Variants in NOA1 observed in about 807,000 individuals in gnomAD.
NOA1 encodes nitric oxide-associated protein 1.
In NOA1, 35 loss-of-function variants were observed where a neutral mutation model predicts 58.4. The observed-to-expected ratio is 0.60, with a 90% CI of 0.46 to 0.79. The LOEUF is 0.79. Among genes scored for constraint, NOA1 ranks in the 30% least tolerant of loss-of-function variants. The pLI is 0.00. For synonymous variants in NOA1, 397 were observed against 373.4 expected (o/e 1.06, Z -0.73); for missense variants, 895 against 894.6 (o/e 1.00, Z -0.01).
chr4:56,970,990 C>T (rs1252132943), intron 3 of NOA1, among the ~76,000 whole-genome samples: 9 of 152,108 alleles, frequency 5.9e-5, no homozygotes, highest in Non-Finnish European at 1.3e-4. Flanking sequence ...ACTGAAGTAA[C>T]TGCTATGCCT....
At position 56,977,155 on chromosome 4, in the gene NOA1, C is replaced by T. The variant is rs1301520967; in HGVS notation, c.431G>A (p.Cys144Tyr). 1 of 1,555,702 alleles carries T rather than the reference C, an allele frequency of 6.4e-7. No individual in the cohort carries two copies. The highest frequency in any genetic ancestry group is 1.9e-5 in the Admixed American group (1 of 52,354). Residue 144 changes from cysteine (C) to tyrosine (Y), a missense_variant, in exon 1 of 7, where the codon TGT (cysteine) becomes TAT (tyrosine). Cys to Tyr is a radical substitution (Grantham distance 194). Around this residue, in one of 3 missense-constraint regions of NOA1, gnomAD observed 680 missense variants for 656.5 expected, o/e 1.04. Coordinates refer to ENST00000264230, the MANE Select transcript of NOA1 (RefSeq NM_032313.4). ...GTCCTGGCAGTGCAGCTCTGCCCCA[C>T]AGCCCGAGCAGTTCACGCCGCTGGG... is the stretch of plus-strand genomic sequence containing the variant. ...LPPSGVNCSG[C>Y]GAELHCQDAG...
chr4:56,973,731 G>T, intron 2 of NOA1, 127 bp downstream of exon 2: 2 of 902,932 alleles, frequency 2.2e-6, no homozygotes, highest in Non-Finnish European at 3.5e-6. Flanking sequence ...GGGCCTCTTT[G>T]TTGCAGAATA....
chr4:56,974,350 G>A (rs1721860033), intron 1 of NOA1, among the ~76,000 whole-genome samples: 1 of 152,144 alleles, frequency 6.6e-6, no homozygotes. Flanking sequence ...AGTCAGTTTT[G>A]TCAACTTAAA....
At chr4:56,965,067 T>C (rs529450052) in intron 5 of NOA1, among the ~76,000 whole-genome samples, 18 of 152,114 alleles carry the variant, frequency 1.2e-4, no homozygotes, top group African/African-American at 4.3e-4. Flanking sequence ...TGGCACGATA[T>C]CAGCTCACTG....
At chr4:56,976,004 G>A (rs1181863202) in intron 1 of NOA1, among the ~76,000 whole-genome samples, 1 of 152,042 alleles carries the variant, frequency 6.6e-6, no homozygotes, top group African/African-American at 2.4e-5. Flanking sequence ...CCGAGATCAC[G>A]CCACTGCACT....
Position 56,974,031 on chromosome 4 carries a change from C to T in NOA1, c.1145-9G>A. On this transcript the variant is annotated splice_polypyrimidine_tract_variant and intron_variant, in intron 1 of 6. Coordinates refer to ENST00000264230, the MANE Select transcript of NOA1 (RefSeq NM_032313.4). Reference sequence around the variant, plus strand: ...AAGGTTTAATGTAGTACCTGAAATACACAGAATAAATACATCTTTACAAAA... The same window carrying T: ...AAGGTTTAATGTAGTACCTGAAATATACAGAATAAATACATCTTTACAAAA... 6.2e-7 allele frequency: 1 copy of T among 1,601,188 alleles called. No homozygotes were observed. Among genetic ancestry groups the T allele is most frequent in the Non-Finnish European group, 8.6e-7 (1 of 1,168,848 alleles).
rs563196636 is a variant in NOA1, at chr4:56,975,638, G to A, written c.1144+804C>T. ...CACACCTGTAATCCCAGCACTTTGGGATGCTGAGGCGGGCGGATCACGAGG... is the reference window on the plus strand; with the variant it reads ...CACACCTGTAATCCCAGCACTTTGGAATGCTGAGGCGGGCGGATCACGAGG... On this transcript the variant is annotated intron_variant, in intron 1 of 6. Coordinates refer to ENST00000264230, the MANE Select transcript of NOA1 (RefSeq NM_032313.4). Among the ~76,000 whole-genome samples, 3 of 152,252 alleles carry A rather than the reference G, an allele frequency of 2.0e-5. No homozygotes were observed. The East Asian group carries it at 5.8e-4, about 30-fold the overall frequency.
intron 5 of NOA1, among the ~76,000 whole-genome samples, chr4:56,966,021 T>TC (rs1448727832): frequency 4.4e-5 from 6 of 136,402 alleles, no homozygotes; most frequent in African/African-American, 1.1e-4. Context: ...AAATTTTCTT[T>TC]TTTTTTTTTT....
At chr4:56,969,453 T>C (rs982854668) in intron 3 of NOA1, among the ~76,000 whole-genome samples, 1 of 152,030 alleles carries the variant, frequency 6.6e-6, no homozygotes, top group Admixed American at 6.6e-5. Context: ...GCACCTGTAA[T>C]CCCAGCTACT....
chr4:56,969,074 C>T (rs539732678), intron 3 of NOA1, among the ~76,000 whole-genome samples: 17 of 152,198 alleles, frequency 1.1e-4, no homozygotes, highest in African/African-American at 3.9e-4. Flanking sequence ...TTATAAATCC[C>T]CTATGCTTAT....
rs773373827 is a variant in NOA1 at position 56,973,248 on chromosome 4, A to T, written c.1415T>A (p.Met472Lys). The T allele has an allele frequency of 1.9e-6, 3 of 1,614,000 alleles. No homozygotes were observed. Among genetic ancestry groups the T allele is most frequent in the African/African-American group, 1.3e-5 (1 of 74,928 alleles). ...TTGTTTGGTGGATTTGTGTGTACCC[A>T]TAACAGGGTCATTTTCCATGTCAAA... is the stretch of plus-strand genomic sequence containing the variant. ...LAFDMENDPV[M>K]GTHKSTKQVE... The change falls in exon 3 of 7, where the codon ATG becomes AAG. Residue 472 changes from methionine (M) to lysine (K), a missense_variant. By Grantham distance (95) the Met-to-Lys change is moderately conservative (BLOSUM62 -1). Transcript: ENST00000264230.
At position 56,963,502 on chromosome 4, in the gene NOA1, G is replaced by C. The variant is rs750105041; in HGVS notation, c.2045C>G (p.Pro682Arg). ...CCTCACGTTGTACATAAGGGAAGGAGGCTTCTTGGTTTTATAGGCCACACT... is the reference window on the plus strand; with the variant it reads ...CCTCACGTTGTACATAAGGGAAGGACGCTTCTTGGTTTTATAGGCCACACT... ...KKSVAYKTKK[P>R]PSLMYNVRKK... is the part of the protein sequence containing the mutation. The change falls in exon 7 of 7, where the codon CCT becomes CGT. Residue 682 changes from proline to arginine, a missense_variant. By Grantham distance (103) the Pro-to-Arg change is moderately radical. This residue lies in a region of NOA1 where 212 missense variants were observed against 221.3 expected (regional missense o/e 0.96). Coordinates refer to ENST00000264230, the MANE Select transcript of NOA1 (RefSeq NM_032313.4). 8 of 1,614,080 alleles carry C rather than the reference G, an allele frequency of 5.0e-6. No homozygotes were observed. The highest frequency in any genetic ancestry group is 1.6e-4 in the Middle Eastern group (1 of 6,062).
In NOA1 at chr4:56,977,279, G is replaced by GCTC. The variant is rs760168084; in HGVS notation, c.304_306dup (p.Glu102dup). ...TCCTCCCGCCGCTGCTGCCTCTGTC[G>GCTC]CTCCTCCTCCTCCTGCTGTTGCTGG... On this transcript the variant is annotated inframe_insertion, in exon 1 of 7. Transcript: ENST00000264230. 20 of 1,613,258 alleles carry GCTC rather than the reference G, an allele frequency of 1.2e-5. No individual in the cohort carries two copies. The highest frequency in any genetic ancestry group is 3.4e-6 in the Non-Finnish European group (4 of 1,179,768).
At chr4:56,973,067 C>G in intron 3 of NOA1, 81 bp downstream of exon 3, 1 of 1,214,536 alleles carries the variant, frequency 8.2e-7, no homozygotes, top group Non-Finnish European at 1.2e-6. Context: ...GATAAATTGG[C>G]TGTATCTGGG....
intron 5 of NOA1, among the ~76,000 whole-genome samples, chr4:56,966,018 C>CTTTTTTTTTT (rs57382498): frequency 1.1e-5 from 1 of 88,562 alleles, no homozygotes; most frequent in African/African-American, 4.6e-5. Flanking sequence ...AGCAAATTTT[C>CTTTTTTTTTT]TTTTTTTTTT....
chr4:56,974,291 A>G lies in NOA1; in HGVS notation c.1145-269T>C, dbSNP rs141806999. 3.9e-3 allele frequency among the ~76,000 whole-genome samples: 589 copies of G among 152,300 alleles called. 5 individuals are homozygous for G. The highest frequency in any genetic ancestry group is 0.014 in the African/African-American group (575 of 41,554). ...GTAAAATTCAAAGTGCAAGACAGAG[A>G]AGAGCAGCTTACTAAATGAAACTTT... On this transcript the variant is annotated intron_variant, in intron 1 of 6. Coordinates refer to ENST00000264230, the MANE Select transcript of NOA1 (RefSeq NM_032313.4).
chr4:56,964,484 G>C lies in NOA1; in HGVS notation c.1807C>G (p.Leu603Val), dbSNP rs1375130000. The change falls in exon 6 of 7, where the codon CTT becomes GTT. Residue 603 changes from leucine (L) to valine (V), a missense_variant. This residue lies in a region of NOA1 where 212 missense variants were observed against 221.3 expected (regional missense o/e 0.96). Transcript: ENST00000264230. ...GKERMAGFPPLVAEDIMLKEG... is the reference protein window; with the variant it reads ...GKERMAGFPPVVAEDIMLKEG... ...TTTAACATAATGTCTTCAGCAACAA[G>C]AGGAGGAAATCCTGCCATTCGTTCT... The C allele has an allele frequency of 1.2e-6, 2 of 1,613,992 alleles. No homozygotes were observed. The highest frequency in any genetic ancestry group is 1.7e-6 in the Non-Finnish European group (2 of 1,179,996).
At chr4:56,968,945 T>A (rs1721765128) in intron 3 of NOA1, among the ~76,000 whole-genome samples, 1 of 152,214 alleles carries the variant, frequency 6.6e-6, no homozygotes, top group Non-Finnish European at 1.5e-5. Context: ...ATGCATGCAT[T>A]AAATGCAAAA....
Position 56,977,093 on chromosome 4 carries a change from G to A in NOA1, c.493C>T (p.Leu165Phe), listed in dbSNP as rs761648467. Reference protein sequence around the residue: ...VPGYLPREKFLRTAEADGGLA... With the variant: ...VPGYLPREKFFRTAEADGGLA... The stretch of plus-strand genomic sequence containing the variant: ...CCGCCGTCTGCCTCCGCCGTGCGGA[G>A]GAACTTCTCTCGGGGCAGGTAGCCG... The change falls in exon 1 of 7, where the codon CTC (leucine) becomes TTC (phenylalanine). Residue 165 changes from leucine (L) to phenylalanine (F), a missense_variant. Coordinates refer to ENST00000264230, the MANE Select transcript of NOA1 (RefSeq NM_032313.4). 1.5e-5 allele frequency: 24 copies of A among 1,568,950 alleles called. No homozygotes were observed. Among genetic ancestry groups the A allele is most frequent in the Non-Finnish European group, 2.0e-5 (23 of 1,161,150 alleles).
Sources: allele counts gnomAD v4.1 joint callset (sites outside exome capture counted in the v4.1 genomes callset), GRCh38; gene constraint gnomAD v4.1.1; regional missense constraint gnomAD v4.1.1; transcripts MANE v1.5; gene names NCBI Gene and HGNC (gene_info 2026-07-23, HGNC 2026-07-21).